The following EP400 variants were observed in gnomAD, a reference collection of about 807,000 sequenced individuals.
The protein encoded by EP400 is E1A binding protein p400, also known as E1A-binding protein p400.
In EP400, 105 loss-of-function variants were observed where a neutral mutation model predicts 354.1. The observed-to-expected ratio is 0.30, with a 90% CI of 0.25 to 0.35. The LOEUF is 0.35. Ranked by LOEUF, EP400 falls within the 10% of genes least tolerant of loss-of-function variation. The pLI is 1.00. For missense variants in EP400, 3,280 were observed against 4,121.0 expected (o/e 0.80, Z 5.59); for synonymous variants, 1,646 against 1,716.9 (o/e 0.96, Z 1.02).
chr12:131,977,947 T>G (rs1279075717), intron 2 of EP400, among the ~76,000 whole-genome samples: 1 of 152,212 alleles, frequency 6.6e-6, no homozygotes, highest in African/African-American at 2.4e-5. Flanking sequence ...TCTGTAACTT[T>G]TGCGTTTAAA....
chr12:132,005,435 A>T (rs1893548418), intron 13 of EP400, among the ~76,000 whole-genome samples: 1 of 152,188 alleles, frequency 6.6e-6, no homozygotes, highest in Non-Finnish European at 1.5e-5. Context: ...AGATTTATAA[A>T]CATCATTGTT....
intron 51 of EP400, among the ~76,000 whole-genome samples, chr12:132,071,132 G>C (rs963794720): frequency 2.6e-5 from 4 of 152,180 alleles, no homozygotes; most frequent in African/African-American, 9.7e-5. Flanking sequence ...GTTTTTGTCA[G>C]AGTAAGAAAA....
At chr12:131,984,333 C>T (rs1172106229) in intron 5 of EP400, among the ~76,000 whole-genome samples, 1 of 152,152 alleles carries the variant, frequency 6.6e-6, no homozygotes, top group Admixed American at 6.5e-5. Context: ...GATTTATTGG[C>T]ATTGTTTATT....
In EP400 at chr12:132,077,498, A is replaced by G; in HGVS notation, c.9197A>G (p.Gln3066Arg). The G allele has an allele frequency of 6.2e-7, 1 of 1,613,742 alleles. No individual in the cohort carries two copies. Among genetic ancestry groups the G allele is most frequent in the Non-Finnish European group, 8.5e-7 (1 of 1,180,016 alleles). The change falls in exon 53 of 53, where the codon CAG becomes CGG. Residue 3066 changes from glutamine to arginine, a missense_variant. Physicochemically the swap from Gln to Arg is conservative, Grantham distance 43. This residue lies in a region of EP400 where 279 missense variants were observed against 386.7 expected (regional missense o/e 0.72). Coordinates refer to ENST00000389561, the MANE Select transcript of EP400 (RefSeq NM_015409.5). ...AVTATAQVVQ[Q>R]KLIQQQVVTT... ...ACCGCGACTGCCCAGGTGGTTCAGCAGAAACTCATTCAGCAGCAGGTGGTG... is the reference window on the plus strand; with the variant it reads ...ACCGCGACTGCCCAGGTGGTTCAGCGGAAACTCATTCAGCAGCAGGTGGTG...
intron 1 of EP400, among the ~76,000 whole-genome samples, chr12:131,950,594 C>A (rs1891437272): frequency 6.6e-6 from 1 of 152,004 alleles, no homozygotes; most frequent in Non-Finnish European, 1.5e-5. Context: ...AGGTCCGAAT[C>A]CGCTCCTTCT....
In EP400 at chr12:132,013,831, A is replaced by G. The variant is rs768665587; in HGVS notation, c.3841A>G (p.Thr1281Ala). ...TAAGAGAGATGTGGAAAAGCAACTA[A>G]CAAAGAAATATGAGCATGTTTTGAA... The part of the protein sequence containing the change: ...RTKRDVEKQL[T>A]KKYEHVLKCR... Residue 1281 changes from threonine to alanine, a missense_variant, in exon 19 of 53, where the codon ACA (threonine) becomes GCA (alanine). Physicochemically the swap from Thr to Ala is moderately conservative, Grantham distance 58. Around this residue, in one of 20 missense-constraint regions of EP400, gnomAD observed 242 missense variants for 357.9 expected, o/e 0.68. Coordinates refer to ENST00000389561, the MANE Select transcript of EP400 (RefSeq NM_015409.5). The surrounding 1 kb of genome is among the most constrained non-coding windows in gnomAD (Gnocchi z 4.5). 2 of 1,614,158 alleles carry G rather than the reference A, an allele frequency of 1.2e-6. No homozygotes were observed. The highest frequency in any genetic ancestry group is 1.7e-5 in the Admixed American group (1 of 60,010).
In EP400 at chr12:131,950,013, C is replaced by G. The variant is rs547745398; in HGVS notation, c.-59C>G. 6.6e-6 allele frequency: 1 copy of G among 151,974 alleles called. No homozygotes were observed. The highest frequency in any genetic ancestry group is 1.9e-4 in the East Asian group (1 of 5,162). The allele number at this position is 151,974 out of a possible 1,614,324, so 9.4% of individuals were successfully genotyped here. ...CATCCTCCCGCCCTCCTGACGCGGCCGGAGCGCAGCCCTGAGGCCCAGGGT... is the reference window on the plus strand; with the variant it reads ...CATCCTCCCGCCCTCCTGACGCGGCGGGAGCGCAGCCCTGAGGCCCAGGGT... On this transcript the variant is annotated 5_prime_UTR_variant, in exon 1 of 53. Coordinates refer to ENST00000389561, the MANE Select transcript of EP400 (RefSeq NM_015409.5).
chr12:132,002,210 G>T (rs1893439734), intron 12 of EP400, among the ~76,000 whole-genome samples: 1 of 152,150 alleles, frequency 6.6e-6, no homozygotes, highest in Non-Finnish European at 1.5e-5. Context: ...GGAGTGTTTA[G>T]TACATTTGTA....
Position 132,011,647 on chromosome 12 carries a change from T to A in EP400, c.3441+13T>A, listed in dbSNP as rs571253999. 100 of 1,583,606 alleles carry A rather than the reference T, an allele frequency of 6.3e-5. No homozygotes were observed. The highest frequency in any genetic ancestry group is 9.8e-5 in the Admixed American group (5 of 51,006). On this transcript the variant is annotated intron_variant, in intron 16 of 52. Coordinates refer to ENST00000389561, the MANE Select transcript of EP400 (RefSeq NM_015409.5). Reference sequence around the variant, plus strand: ...AGCAAAGAGACAGGTATTTTTTTTTTAAACATAAAATAAAGCTAAACAGAA... The same window carrying A: ...AGCAAAGAGACAGGTATTTTTTTTTAAAACATAAAATAAAGCTAAACAGAA...
At chr12:132,020,888 T>C (rs970892705) in intron 22 of EP400, among the ~76,000 whole-genome samples, 191 bp from the exon 23 acceptor site, 1 of 152,234 alleles carries the variant, frequency 6.6e-6, no homozygotes, top group African/African-American at 2.4e-5. Flanking sequence ...TGAAGATAAT[T>C]ATCAACAAGT....
chr12:131,975,451 T>A (rs1223005082), intron 2 of EP400, among the ~76,000 whole-genome samples: 1 of 152,370 alleles, frequency 6.6e-6, no homozygotes, highest in Admixed American at 6.5e-5. Flanking sequence ...AGCGCTGCAC[T>A]GCACTGTCCT....
chr12:131,997,603 A>G (rs1893258829), intron 12 of EP400, among the ~76,000 whole-genome samples: 1 of 152,214 alleles, frequency 6.6e-6, no homozygotes, highest in Non-Finnish European at 1.5e-5. Context: ...TATTCTTACA[A>G]CAAAGTAAGC....
At chr12:131,960,323 T>C (rs1267322252) in intron 1 of EP400, among the ~76,000 whole-genome samples, 1 of 152,170 alleles carries the variant, frequency 6.6e-6, no homozygotes, top group Non-Finnish European at 1.5e-5. Context: ...ACAAGTTAGC[T>C]GTTGAGGTCA....
At chr12:131,999,349 G>A (rs913894977) in intron 12 of EP400, among the ~76,000 whole-genome samples, 1 of 152,130 alleles carries the variant, frequency 6.6e-6, no homozygotes, top group African/African-American at 2.4e-5. Flanking sequence ...TTTCATAAAT[G>A]GACATAGTGT....
chr12:132,077,684 A>T lies in EP400; in HGVS notation c.*11A>T. On this transcript the variant is annotated 3_prime_UTR_variant, in exon 53 of 53. Coordinates refer to ENST00000389561, the MANE Select transcript of EP400 (RefSeq NM_015409.5). ...CCTCCGTGCCAGTAGTCAGGGCAGCAGGGCTGCCTCTCATCTAAAGCAAAA... is the reference window on the plus strand; with the variant it reads ...CCTCCGTGCCAGTAGTCAGGGCAGCTGGGCTGCCTCTCATCTAAAGCAAAA... 1 of 1,580,994 alleles carries T rather than the reference A, an allele frequency of 6.3e-7. No homozygotes were observed. Among genetic ancestry groups the T allele is most frequent in the Non-Finnish European group, 8.6e-7 (1 of 1,164,146 alleles).
At chr12:132,036,136 A>AAGG (rs1894702429) in intron 30 of EP400, among the ~76,000 whole-genome samples, 1 of 127,432 alleles carries the variant, frequency 7.8e-6, no homozygotes. Flanking sequence ...AGCATTGTGG[A>AAGG]ACACACCCAG....
At position 132,062,602 on chromosome 12, in the gene EP400, G is replaced by GCAGCAA. The variant is rs767675547; in HGVS notation, c.8239_8244dup (p.Gln2747_Gln2748dup). ...AGCAGCAGCAGCAGCAACAGCAGCA[G>GCAGCAA]CAGCAACAGACGACGACGACCTCTC... On this transcript the variant is annotated inframe_insertion, in exon 47 of 53. Transcript: ENST00000389561. 6.2e-7 allele frequency: 1 copy of GCAGCAA among 1,610,642 alleles called. No individual in the cohort carries two copies. Among genetic ancestry groups the GCAGCAA allele is most frequent in the East Asian group, 2.2e-5 (1 of 44,864 alleles).
At chr12:132,043,963 G>A (rs977032212) in intron 34 of EP400, among the ~76,000 whole-genome samples, 1 of 152,174 alleles carries the variant, frequency 6.6e-6, no homozygotes, top group African/African-American at 2.4e-5. Context: ...CGTGGAGCTT[G>A]TTCTACCCCT....
At chr12:132,020,020 T>C in intron 21 of EP400, 29 bp from the exon 22 acceptor site, 1 of 1,492,778 alleles carries the variant, frequency 6.7e-7, no homozygotes, top group South Asian at 1.4e-5. Flanking sequence ...ATGCTCTGTA[T>C]CTTCTTGCCT....
Sources: gnomAD v4.1 joint callset for allele counts (sites outside exome capture counted in the v4.1 genomes callset) on GRCh38, gnomAD v4.1.1 for gene constraint, gnomAD v4.1.1 regional missense constraint, Gnocchi (gnomAD v3.1) non-coding constraint, MANE v1.5 for transcripts, NCBI Gene and HGNC (gene_info 2026-07-23, HGNC 2026-07-21) for gene names.